SEL1L2: variants seen among roughly 807,000 people sequenced by gnomAD.
The protein encoded by SEL1L2 is protein sel-1 homolog 2.
SEL1L2 carries 89 observed loss-of-function variants against 98.8 expected under a neutral mutation model. That is an observed-to-expected ratio of 0.90 (90% CI 0.76 to 1.07). The LOEUF (loss-of-function observed/expected upper bound fraction) is 1.07. Ranked by LOEUF, SEL1L2 falls within the 50% of genes least tolerant of loss-of-function variation. The probability of loss-of-function intolerance (pLI) is 0.00; values close to 1 mark genes in which losing one functional copy is unlikely to be tolerated. For missense variants in SEL1L2, 788 were observed against 812.0 expected, an observed-to-expected ratio of 0.97 and a Z score of 0.36; for synonymous variants, 262 against 278.5, an observed-to-expected ratio of 0.94 and a Z score of 0.59.
chr20:13,963,863 T>G (rs538472135), intron 1 of SEL1L2, among the ~76,000 whole-genome samples: 1 of 152,116 alleles, frequency 6.6e-6, no homozygotes, highest in Non-Finnish European at 1.5e-5. Context: ...ACCTTCTATA[T>G]GCCTAAATAT....
Position 13,984,431 on chromosome 20 carries a change from G to A in SEL1L2, c.58+6046C>T, listed in dbSNP as rs146680741. The stretch of plus-strand genomic sequence containing the variant: ...CATTCCCCATTCTCTGTGGCATTTG[G>A]CATTGTTGGCAATTTCTATGTTCTT... On this transcript the variant is annotated intron_variant, in intron 1 of 19. Transcript: ENST00000284951. Among the ~76,000 whole-genome samples, 333 of 152,276 alleles carry A rather than the reference G, an allele frequency of 2.2e-3. 3 individuals carry two copies. In the Middle Eastern group the frequency reaches 0.027, roughly 12 times the overall value.
intron 1 of SEL1L2, among the ~76,000 whole-genome samples, chr20:13,990,080 C>T (rs999547785): frequency 2.0e-5 from 3 of 152,122 alleles, no homozygotes; most frequent in Admixed American, 1.3e-4. Context: ...TTTAAAAAAG[C>T]ATGTTTATAC....
At chr20:13,985,584 G>A (rs181539271) in intron 1 of SEL1L2, among the ~76,000 whole-genome samples, 3 of 152,056 alleles carry the variant, frequency 2.0e-5, no homozygotes, top group Admixed American at 2.0e-4. Context: ...CAATATTTTG[G>A]TTTTCCTCTT....
chr20:13,887,973 G>A lies in SEL1L2; in HGVS notation c.632C>T (p.Ala211Val). ...KALIYYTFGSAGGNMMSQMIL... is the reference protein window; with the variant it reads ...KALIYYTFGSVGGNMMSQMIL... ...CATCTGGGACATCATGTTTCCTCCA[G>A]CACTTCCAAAGGTGTAATATATCAG... The change falls in exon 7 of 20, where the codon GCT becomes GTT. Residue 211 changes from alanine (A) to valine (V), a missense_variant. Ala to Val is a moderately conservative substitution (Grantham distance 64). Transcript: ENST00000284951. 3 of 1,613,660 alleles carry A rather than the reference G, an allele frequency of 1.9e-6. No individual in the cohort carries two copies. The highest frequency in any genetic ancestry group is 1.7e-6 in the Non-Finnish European group (2 of 1,179,852).
At chr20:13,990,902 C>T (rs566887652), upstream of SEL1L2, among the ~76,000 whole-genome samples, 3 of 152,268 alleles carry the variant, frequency 2.0e-5, no homozygotes, top group Admixed American at 1.3e-4. Context: ...TCTAGAGGTA[C>T]AAACTACACT....
At chr20:13,880,359 A>G (rs1372419811) in intron 10 of SEL1L2, among the ~76,000 whole-genome samples, 1 of 152,154 alleles carries the variant, frequency 6.6e-6, no homozygotes, top group Non-Finnish European at 1.5e-5. Context: ...AAATATAATG[A>G]TTTGATAAAG....
intron 1 of SEL1L2, among the ~76,000 whole-genome samples, chr20:13,986,421 C>T (rs1359752432): frequency 6.6e-6 from 1 of 152,006 alleles, no homozygotes; most frequent in East Asian, 1.9e-4. Context: ...CTGCCATTCC[C>T]TAATCCAGTA....
chr20:13,871,628 C>T (rs532271210), intron 12 of SEL1L2, among the ~76,000 whole-genome samples: 10 of 152,078 alleles, frequency 6.6e-5, no homozygotes, highest in Admixed American at 2.6e-4. Flanking sequence ...TCTCCTGCCT[C>T]AGCCTCCTGA....
chr20:13,850,912 C>CGT (rs1988138382), intron 18 of SEL1L2, among the ~76,000 whole-genome samples: 2 of 152,178 alleles, frequency 1.3e-5, no homozygotes, highest in Non-Finnish European at 2.9e-5. Flanking sequence ...ACCCCTGGAA[C>CGT]AGCTCCTAGT....
intron 1 of SEL1L2, among the ~76,000 whole-genome samples, chr20:13,969,365 T>C (rs1320923391): frequency 6.6e-6 from 1 of 152,196 alleles, no homozygotes; most frequent in Non-Finnish European, 1.5e-5. Context: ...TTTTACTCAC[T>C]CCATGCCAAC....
intron 5 of SEL1L2, among the ~76,000 whole-genome samples, chr20:13,895,429 T>C (rs998755741): frequency 9.6e-6 from 1 of 104,272 alleles, no homozygotes; most frequent in African/African-American, 3.8e-5. Context: ...GCCTGGGAAA[T>C]AGAGCCAGAT....
intron 5 of SEL1L2, among the ~76,000 whole-genome samples, chr20:13,910,693 A>G (rs74528919): frequency 0.012 from 1,768 of 152,298 alleles, 38 homozygotes; most frequent in African/African-American, 0.04. Flanking sequence ...CACTCAGCCA[A>G]TTACATTCTT....
chr20:13,971,730 T>C (rs539302733), intron 1 of SEL1L2, among the ~76,000 whole-genome samples: 3 of 152,268 alleles, frequency 2.0e-5, no homozygotes, highest in Admixed American at 6.5e-5. Flanking sequence ...CCACCGTGCC[T>C]GGCTACAATT....
At chr20:13,906,305 T>A (rs766771007) in intron 5 of SEL1L2, among the ~76,000 whole-genome samples, 1 of 152,208 alleles carries the variant, frequency 6.6e-6, no homozygotes, top group Non-Finnish European at 1.5e-5. Flanking sequence ...AGTAAATTAC[T>A]CAAGTTCCAT....
intron 2 of SEL1L2, among the ~76,000 whole-genome samples, chr20:13,941,466 C>T (rs2049773474): frequency 1.3e-5 from 2 of 152,218 alleles, no homozygotes; most frequent in South Asian, 4.1e-4. Context: ...GAGTTTTTGT[C>T]TTTCAAGTGA....
chr20:13,860,619 G>A (rs1201963352), intron 17 of SEL1L2, among the ~76,000 whole-genome samples: 1 of 151,952 alleles, frequency 6.6e-6, no homozygotes, highest in East Asian at 1.9e-4. Flanking sequence ...GAATGTCAAC[G>A]GCTCGCTCCC....
Position 13,883,042 on chromosome 20 carries a change from G to T in SEL1L2, c.957+2305C>A, listed in dbSNP as rs529340874. On this transcript the variant is annotated intron_variant, in intron 10 of 19. Transcript: ENST00000284951. ...TCACCGTTTTAGCCAGGATGGTCTC[G>T]ATCTCCTGACCTCGTGATCCGCCCG... Among the ~76,000 whole-genome samples the T allele has an allele frequency of 3.9e-5, 6 of 152,100 alleles. No homozygotes were observed. The South Asian group carries it at 1.2e-3, about 32-fold the overall frequency.
chr20:13,951,347 G>C (rs537585253), intron 2 of SEL1L2, among the ~76,000 whole-genome samples: 24 of 134,898 alleles, frequency 1.8e-4, no homozygotes, highest in Admixed American at 1.4e-3. Context: ...CAGTGTATTT[G>C]CTCACTCCTG....
At chr20:13,965,259 A>T (rs1569055053) in intron 1 of SEL1L2, among the ~76,000 whole-genome samples, 1 of 152,240 alleles carries the variant, frequency 6.6e-6, no homozygotes, top group Non-Finnish European at 1.5e-5. Context: ...AGGCTGACAG[A>T]GGTGAGACAA....
Sources: gnomAD v4.1 joint callset for allele counts (sites outside exome capture counted in the v4.1 genomes callset) on GRCh38, gnomAD v4.1.1 for gene constraint, MANE v1.5 for transcripts, NCBI Gene and HGNC (gene_info 2026-07-23, HGNC 2026-07-21) for gene names.